LGSN: variants seen among roughly 807,000 people sequenced by gnomAD.
LGSN encodes lengsin.
LGSN carries 21 observed loss-of-function variants against 19.5 expected under a neutral mutation model. The observed-to-expected ratio is 1.07, with a 90% CI of 0.76 to 1.55. LGSN has a LOEUF of 1.55. Ranked by LOEUF, LGSN falls within the 40% of genes most tolerant of loss-of-function variation. The pLI is 0.00. For synonymous variants in LGSN, 257 were observed against 215.6 expected (o/e 1.19, Z -1.68); for missense variants, 673 against 608.5 (o/e 1.11, Z -1.12).
the LGSN span, among the ~76,000 whole-genome samples, chr6:63,340,752 AT>A: frequency 6.7e-6 from 1 of 150,232 alleles, no homozygotes; most frequent in Non-Finnish European, 1.5e-5. Flanking sequence ...TTTCTTAGGC[AT>A]TTCATAGTTT....
At chr6:63,365,134 A>G in the LGSN span, among the ~76,000 whole-genome samples, 1 of 152,206 alleles carries the variant, frequency 6.6e-6, no homozygotes, top group Non-Finnish European at 1.5e-5. Flanking sequence ...TCAAAAAATC[A>G]ATGAATCCAG....
the LGSN span, among the ~76,000 whole-genome samples, chr6:63,357,391 C>T: frequency 5.9e-5 from 9 of 152,162 alleles, no homozygotes; most frequent in African/African-American, 2.2e-4. Context: ...AGTTCTAGAT[C>T]CCTGAAGAAT....
the LGSN span, among the ~76,000 whole-genome samples, chr6:63,356,266 A>G: frequency 0.13 from 19,866 of 152,184 alleles, 2,872 homozygotes; most frequent in African/African-American, 0.36. Context: ...CAGGCCAGGC[A>G]CAGTGGCTCA....
chr6:63,355,845 T>C, the LGSN span, among the ~76,000 whole-genome samples: 1 of 152,160 alleles, frequency 6.6e-6, no homozygotes, highest in African/African-American at 2.4e-5. Flanking sequence ...GCCTGGCTAA[T>C]ATTTTTTGTA....
intron 1 of LGSN, among the ~76,000 whole-genome samples, chr6:63,297,800 T>G (rs1399525444): frequency 6.6e-6 from 1 of 152,322 alleles, no homozygotes; most frequent in East Asian, 1.9e-4. Context: ...GGCTACCTCC[T>G]TATATATTTT....
chr6:63,407,814 A>G, the LGSN span, among the ~76,000 whole-genome samples: 1 of 152,214 alleles, frequency 6.6e-6, no homozygotes, highest in Non-Finnish European at 1.5e-5. Flanking sequence ...TTAAGCTGAT[A>G]AGCAACTTCA....
At chr6:63,400,236 G>T in the LGSN span, among the ~76,000 whole-genome samples, 57 of 152,288 alleles carry the variant, frequency 3.7e-4, no homozygotes, top group African/African-American at 1.3e-3. Context: ...TTCCAGCTTG[G>T]CAAATGAGAA....
At chr6:63,379,310 T>G in the LGSN span, among the ~76,000 whole-genome samples, 1 of 152,150 alleles carries the variant, frequency 6.6e-6, no homozygotes, top group Non-Finnish European at 1.5e-5. Context: ...AGGCCTGAGC[T>G]TTGAAAACGA....
the LGSN span, among the ~76,000 whole-genome samples, chr6:63,332,099 TG>T: frequency 1.3e-5 from 2 of 152,328 alleles, no homozygotes; most frequent in South Asian, 4.1e-4. Context: ...GAATAGCTTT[TG>T]TTAGGCCTAT....
the LGSN span, chr6:63,572,112 C>T: frequency 6.6e-6 from 1 of 152,268 alleles, no homozygotes; most frequent in Non-Finnish European, 1.5e-5. Flanking sequence ...AACTTCGAGT[C>T]TCCTCATGTG....
chr6:63,380,075 G>A, the LGSN span, among the ~76,000 whole-genome samples: 4 of 152,110 alleles, frequency 2.6e-5, no homozygotes, highest in Non-Finnish European at 4.4e-5. Context: ...CTGACCTCAG[G>A]TGATCCACCG....
chr6:63,436,211 A>ACC, the LGSN span, among the ~76,000 whole-genome samples: 1 of 152,162 alleles, frequency 6.6e-6, no homozygotes, highest in Non-Finnish European at 1.5e-5. Context: ...AGCAAATGAA[A>ACC]TACTATGTAC....
At chr6:63,536,607 C>T in the LGSN span, among the ~76,000 whole-genome samples, 3 of 152,040 alleles carry the variant, frequency 2.0e-5, no homozygotes, top group Admixed American at 2.0e-4. Flanking sequence ...TGATGTATGA[C>T]TTTATAATAT....
At chr6:63,342,867 T>C in the LGSN span, among the ~76,000 whole-genome samples, 1 of 152,206 alleles carries the variant, frequency 6.6e-6, no homozygotes, top group South Asian at 2.1e-4. Context: ...TATTCACCAA[T>C]CATGTTTCCT....
At chr6:63,375,109 G>A in the LGSN span, among the ~76,000 whole-genome samples, 1 of 152,064 alleles carries the variant, frequency 6.6e-6, no homozygotes, top group Non-Finnish European at 1.5e-5. Flanking sequence ...AAGAAAACAT[G>A]TTATCAAGAA....
At chr6:63,433,949 G>A in the LGSN span, among the ~76,000 whole-genome samples, 1 of 152,208 alleles carries the variant, frequency 6.6e-6, no homozygotes, top group Admixed American at 6.5e-5. Context: ...GGTACCAAAT[G>A]GAACAACTGA....
intron 2 of LGSN, among the ~76,000 whole-genome samples, chr6:63,288,591 C>T (rs984520725): frequency 5.9e-5 from 9 of 152,164 alleles, no homozygotes; most frequent in Non-Finnish European, 8.8e-5. Flanking sequence ...GAGTAGGGTA[C>T]GTGTATTAGT....
the LGSN span, chr6:63,573,582 C>T: frequency 1.3e-5 from 2 of 152,288 alleles, no homozygotes; most frequent in Non-Finnish European, 2.9e-5. Context: ...GCGAGCTGCA[C>T]CCCTGCCCGG....
chr6:63,445,556 T>C, the LGSN span, among the ~76,000 whole-genome samples: 1 of 152,044 alleles, frequency 6.6e-6, no homozygotes, highest in Non-Finnish European at 1.5e-5. Flanking sequence ...AGGTGGAGGT[T>C]GCAGTGAGCA....
Sources: allele counts gnomAD v4.1 joint callset (sites outside exome capture counted in the v4.1 genomes callset), GRCh38; gene constraint gnomAD v4.1.1; transcripts MANE v1.5; gene names NCBI Gene and HGNC (gene_info 2026-07-23, HGNC 2026-07-21).